ZZEF1: variants seen among roughly 807,000 people sequenced by gnomAD.
The protein encoded by ZZEF1 is zinc finger ZZ-type and EF-hand domain-containing protein 1.
Under a neutral mutation model 342.8 loss-of-function variants are expected in ZZEF1, and 157 were observed. The ratio of observed to expected loss-of-function variants is 0.46; its 90% CI spans 0.40 to 0.52. The LOEUF (loss-of-function observed/expected upper bound fraction) is 0.52, where lower values mean the gene tolerates loss of function less well. Among genes scored for constraint, ZZEF1 ranks in the 20% least tolerant of loss-of-function variants. The pLI, the probability that ZZEF1 is intolerant of heterozygous loss-of-function variation, is 0.00. For synonymous variants in ZZEF1, 1,505 were observed against 1,429.1 expected, an observed-to-expected ratio of 1.05 and a Z score of -1.20; for missense variants, 3,480 against 3,725.6, an observed-to-expected ratio of 0.93 and a Z score of 1.72.
At chr17:4,138,011 G>A (rs1015112406) in intron 1 of ZZEF1, among the ~76,000 whole-genome samples, 1 of 152,102 alleles carries the variant, frequency 6.6e-6, no homozygotes, top group Non-Finnish European at 1.5e-5. Context: ...GATAAATTAG[G>A]TAAGGGAGTT....
At position 4,019,724 on chromosome 17, in the gene ZZEF1, T is replaced by C. The variant is rs760310114; in HGVS notation, c.7450A>G (p.Ile2484Val). The C allele has an allele frequency of 1.2e-6, 2 of 1,612,786 alleles. No homozygotes were observed. Among genetic ancestry groups the C allele is most frequent in the Non-Finnish European group, 8.5e-7 (1 of 1,179,668 alleles). ...GTCTTTTTCATCTGCAGTTCGTATATGGCCCGGAGAATGTGCAGAGGGGCA... is the reference window on the plus strand; with the variant it reads ...GTCTTTTTCATCTGCAGTTCGTATACGGCCCGGAGAATGTGCAGAGGGGCA... ...LNAPLHILRAIYELQMKKTDY... is the reference protein window; with the variant it reads ...LNAPLHILRAVYELQMKKTDY... Residue 2484 changes from isoleucine to valine, a missense_variant, in exon 46 of 55, where the codon ATA (isoleucine) becomes GTA (valine). Physicochemically the swap from Ile to Val is conservative, Grantham distance 29. This residue lies in a region of ZZEF1 where 1,269 missense variants were observed against 1,342.4 expected (regional missense o/e 0.95). Coordinates refer to ENST00000381638, the MANE Select transcript of ZZEF1 (RefSeq NM_015113.4).
At chr17:4,117,212 A>C in intron 2 of ZZEF1, 46 bp from the exon 3 acceptor site, 2 of 1,508,068 alleles carry the variant, frequency 1.3e-6, no homozygotes, top group South Asian at 2.4e-5. Flanking sequence ...AAGCCACAGT[A>C]GTTTCCACAT....
At chr17:4,087,334 AG>A (rs1484100046) in intron 14 of ZZEF1, 99 bp downstream of exon 14, 3 of 822,348 alleles carry the variant, frequency 3.6e-6, no homozygotes, top group African/African-American at 3.5e-5. Context: ...AAACACTGGT[AG>A]GAAGTAAAAA....
chr17:4,130,077 A>G (rs1048673787), intron 1 of ZZEF1, among the ~76,000 whole-genome samples: 1 of 152,324 alleles, frequency 6.6e-6, no homozygotes, highest in African/African-American at 2.4e-5. Context: ...GCTTAGTTGT[A>G]ATGTGTACAA....
At chr17:4,093,691 G>C (rs1412267160) in intron 11 of ZZEF1, among the ~76,000 whole-genome samples, 1 of 152,174 alleles carries the variant, frequency 6.6e-6, no homozygotes, top group East Asian at 1.9e-4. Flanking sequence ...GCACACTAAA[G>C]CTCAAGGAGT....
chr17:4,100,396 AT>A (rs2058107352), intron 9 of ZZEF1, among the ~76,000 whole-genome samples: 1 of 152,202 alleles, frequency 6.6e-6, no homozygotes, highest in Admixed American at 6.5e-5. Context: ...TCTCAGGCAC[AT>A]GGCAAAAATA....
rs183837273 is a variant in ZZEF1 at position 4,132,705 on chromosome 17, G to A, written c.355-8654C>T. ...AAATTAGCCGGGTGTGGTGGCGGGC[G>A]CCTGTAATCCCAGCACTTTGGGAGG... On this transcript the variant is annotated intron_variant, in intron 1 of 54. Coordinates refer to ENST00000381638, the MANE Select transcript of ZZEF1 (RefSeq NM_015113.4). 3.7e-3 allele frequency among the ~76,000 whole-genome samples: 424 copies of A among 113,658 alleles called. 17 individuals carry two copies. The highest frequency in any genetic ancestry group is 2.5e-3 in the East Asian group (7 of 2,810). 74.6% of individuals were successfully genotyped at this position (113,658 alleles called of 152,430 possible).
intron 39 of ZZEF1, among the ~76,000 whole-genome samples, chr17:4,036,776 TACACACACACACACACACAC>T (rs761229612): frequency 1.0e-5 from 1 of 99,914 alleles, no homozygotes; most frequent in Non-Finnish European, 1.9e-5. Flanking sequence ...ATATATAGAA[TACACACACACACACACACAC>T]ACACACACAC....
chr17:4,034,483 C>T (rs747944526), intron 39 of ZZEF1, among the ~76,000 whole-genome samples, 191 bp from the exon 40 acceptor site: 24 of 152,166 alleles, frequency 1.6e-4, no homozygotes, highest in Non-Finnish European at 2.4e-4. Context: ...TACAATCCTA[C>T]TTCTAATATT....
chr17:4,051,877 A>T (rs914969322), intron 35 of ZZEF1, 94 bp downstream of exon 35: 7 of 1,345,354 alleles, frequency 5.2e-6, no homozygotes, highest in East Asian at 2.5e-5. Context: ...ATTTTTAAAT[A>T]AAAAAAACTT....
chr17:4,031,015 C>A (rs1597785696), intron 42 of ZZEF1, among the ~76,000 whole-genome samples: 1 of 151,844 alleles, frequency 6.6e-6, no homozygotes, highest in African/African-American at 2.4e-5. Flanking sequence ...CCCATCTCTA[C>A]TAAAAATACA....
In ZZEF1 at chr17:4,122,194, A is replaced by G. The variant is rs115748037; in HGVS notation, c.499+1713T>C. Among the ~76,000 whole-genome samples the G allele has an allele frequency of 8.5e-3, 1,288 of 152,306 alleles. 16 individuals carry two copies. Among genetic ancestry groups the G allele is most frequent in the African/African-American group, 0.03 (1,229 of 41,556 alleles). On this transcript the variant is annotated intron_variant, in intron 2 of 54. Coordinates refer to ENST00000381638, the MANE Select transcript of ZZEF1 (RefSeq NM_015113.4). ...CTAAGTATTATGACACCAAGTGCAC[A>G]GAGCAGGAAAAACGCTGAGGTAAAG...
At chr17:4,104,524 T>C (rs2058178257) in intron 8 of ZZEF1, 109 bp downstream of exon 8, 2 of 1,260,684 alleles carry the variant, frequency 1.6e-6, no homozygotes, top group Non-Finnish European at 2.2e-6. Flanking sequence ...GGTGTAACTA[T>C]AACAACCCAA....
At chr17:4,030,816 C>G (rs1449632707) in intron 42 of ZZEF1, among the ~76,000 whole-genome samples, 1 of 152,176 alleles carries the variant, frequency 6.6e-6, no homozygotes, top group Non-Finnish European at 1.5e-5. Flanking sequence ...GACAAAGAAA[C>G]TAGAAGAGTC....
chr17:4,023,240 A>G (rs1032033663), intron 43 of ZZEF1, among the ~76,000 whole-genome samples: 11 of 152,046 alleles, frequency 7.2e-5, no homozygotes, highest in Admixed American at 4.6e-4. Flanking sequence ...ATCGGTTCAA[A>G]TTTTACTAGA....
chr17:4,009,133 G>C (rs1256830776), intron 53 of ZZEF1, 179 bp from the exon 54 acceptor site: 1 of 747,350 alleles, frequency 1.3e-6, no homozygotes, highest in Non-Finnish European at 2.1e-6. Context: ...CAGGTGCCCG[G>C]TGCCGGGGTC....
rs113886956 is a variant in ZZEF1, at chr17:4,031,885, T to C, written c.6892+241A>G. ...ATTAAATGTTCAGAACCTATATATC[T>C]AGCCAACCAAAAAACACAGAGCCAT... On this transcript the variant is annotated intron_variant, in intron 42 of 54. Transcript: ENST00000381638. Among the ~76,000 whole-genome samples, 1,149 of 152,116 alleles carry C rather than the reference T, an allele frequency of 7.6e-3. 15 individuals carry two copies. Among genetic ancestry groups the C allele is most frequent in the African/African-American group, 0.026 (1,093 of 41,468 alleles).
At chr17:4,050,046 T>A (rs1223523355) in intron 36 of ZZEF1, among the ~76,000 whole-genome samples, 187 bp from the exon 37 acceptor site, 1 of 152,208 alleles carries the variant, frequency 6.6e-6, no homozygotes. Context: ...TCTCAGATGG[T>A]GAGAGGCTGA....
intron 36 of ZZEF1, 46 bp from the exon 37 acceptor site, chr17:4,049,905 G>A: frequency 1.3e-6 from 2 of 1,596,284 alleles, no homozygotes; most frequent in East Asian, 2.2e-5. Flanking sequence ...TTTATAATGA[G>A]AGTTCTTTTC....
Sources: gnomAD v4.1 joint callset for allele counts (sites outside exome capture counted in the v4.1 genomes callset) on GRCh38, gnomAD v4.1.1 for gene constraint, gnomAD v4.1.1 regional missense constraint, MANE v1.5 for transcripts, NCBI Gene and HGNC (gene_info 2026-07-23, HGNC 2026-07-21) for gene names.